Variants in ABL2 observed in about 807,000 individuals in gnomAD.
ABL2 encodes the protein ABL proto-oncogene 2, non-receptor tyrosine kinase.
ABL2 carries 49 observed loss-of-function variants against 107.7 expected under a neutral mutation model. The observed-to-expected ratio is 0.45, with a 90% confidence interval of 0.36 to 0.58. The LOEUF (loss-of-function observed/expected upper bound fraction) is 0.58, where lower values mean the gene tolerates loss of function less well. ABL2 is among the 20% of genes least tolerant of loss of function. The probability of loss-of-function intolerance (pLI) is 0.00; values close to 1 mark genes in which losing one functional copy is unlikely to be tolerated. For synonymous variants in ABL2, 549 were observed against 548.6 expected (o/e 1.00, Z -0.01); for missense variants, 1,245 against 1,457.0 (o/e 0.85, Z 2.37).
intron 7 of ABL2, 133 bp from the exon 8 acceptor site, chr1:179,117,649 T>C: frequency 2.5e-6 from 2 of 789,890 alleles, no homozygotes; most frequent in Non-Finnish European, 4.0e-6. Context: ...CTTCTGATAA[T>C]CACTAACACC....
chr1:179,175,404 C>G (rs1412006803), intron 1 of ABL2, among the ~76,000 whole-genome samples: 1 of 152,194 alleles, frequency 6.6e-6, no homozygotes, highest in Non-Finnish European at 1.5e-5. Context: ...GTCCTCTGTT[C>G]CCTGCCCTGC....
chr1:179,199,508 A>G (rs947511344), intron 1 of ABL2, among the ~76,000 whole-genome samples: 1 of 152,136 alleles, frequency 6.6e-6, no homozygotes, highest in Admixed American at 6.6e-5. Flanking sequence ...AAACTTCTCC[A>G]ATCTCTCTAC....
intron 1 of ABL2, among the ~76,000 whole-genome samples, chr1:179,205,896 CCTAATA>C (rs1451189494): frequency 1.3e-5 from 2 of 152,156 alleles, no homozygotes; most frequent in Non-Finnish European, 2.9e-5. Flanking sequence ...AAAATAAAGA[CCTAATA>C]CTTATACAAC....
chr1:179,174,320 T>C (rs1659901030), intron 1 of ABL2, among the ~76,000 whole-genome samples: 2 of 148,938 alleles, frequency 1.3e-5, no homozygotes, highest in South Asian at 2.1e-4. Flanking sequence ...TCAAATATAC[T>C]GGTAAGGCTG....
At chr1:179,143,143 A>G in intron 1 of ABL2, 1 of 1,436,554 alleles carries the variant, frequency 7.0e-7, no homozygotes, top group Non-Finnish European at 9.3e-7. Context: ...TGTGACATTT[A>G]CTCATGTACT....
intron 1 of ABL2, among the ~76,000 whole-genome samples, chr1:179,155,310 T>C (rs1658617621): frequency 1.3e-5 from 2 of 152,248 alleles, no homozygotes; most frequent in Non-Finnish European, 2.9e-5. Flanking sequence ...ACGATATGCA[T>C]GTGCTTACCA....
intron 1 of ABL2, among the ~76,000 whole-genome samples, chr1:179,181,933 AC>A: frequency 7.1e-6 from 1 of 140,792 alleles, no homozygotes; most frequent in Non-Finnish European, 1.5e-5. Context: ...GTCACGTGTC[AC>A]CAGGCCCGGC....
chr1:179,226,195 C>T (rs1357731787), intron 1 of ABL2, among the ~76,000 whole-genome samples: 1 of 151,652 alleles, frequency 6.6e-6, no homozygotes, highest in African/African-American at 2.4e-5. Context: ...TGGCAATAAA[C>T]TCGACCTATT....
At chr1:179,222,538 G>A (rs936448163) in intron 1 of ABL2, among the ~76,000 whole-genome samples, 2 of 151,702 alleles carry the variant, frequency 1.3e-5, no homozygotes, top group African/African-American at 2.4e-5. Context: ...TTATAGGTGC[G>A]CGCCACCATG....
intron 9 of ABL2, 22 bp from the exon 10 acceptor site, chr1:179,112,420 A>G: frequency 6.3e-7 from 1 of 1,591,130 alleles, no homozygotes; most frequent in Non-Finnish European, 8.6e-7. Flanking sequence ...AAGAAAAAAT[A>G]TTAAAAACTC....
intron 1 of ABL2, among the ~76,000 whole-genome samples, chr1:179,210,485 G>A (rs1232502555): frequency 9.1e-6 from 1 of 109,324 alleles, no homozygotes; most frequent in Non-Finnish European, 1.7e-5. Context: ...AACAGTGATA[G>A]AGCAAGACTC....
intron 1 of ABL2, among the ~76,000 whole-genome samples, chr1:179,153,060 G>GA (rs1012567873): frequency 6.7e-5 from 10 of 149,750 alleles, no homozygotes; most frequent in Middle Eastern, 3.4e-3. Flanking sequence ...ACATTTTACA[G>GA]AAAAAAAAAG....
At chr1:179,165,298 C>A (rs139602615) in intron 1 of ABL2, among the ~76,000 whole-genome samples, 2 of 152,188 alleles carry the variant, frequency 1.3e-5, no homozygotes, top group East Asian at 3.9e-4. Flanking sequence ...CCCCATGTAC[C>A]ACCTCCAGTT....
In ABL2 at chr1:179,104,285, T is replaced by C. The variant is rs578176344; in HGVS notation, c.*3433A>G. Reference sequence around the variant, plus strand: ...CTCCCAAGGTTAAATGACTTGCCTTTTAGACTGGCATTAGAGCCTAAACAC... The same window carrying C: ...CTCCCAAGGTTAAATGACTTGCCTTCTAGACTGGCATTAGAGCCTAAACAC... On this transcript the variant is annotated 3_prime_UTR_variant, in exon 12 of 12. Coordinates refer to ENST00000502732, the MANE Select transcript of ABL2 (RefSeq NM_007314.4). 42 of 228,846 alleles carry C rather than the reference T, an allele frequency of 1.8e-4. No homozygotes were observed. The highest frequency in any genetic ancestry group is 3.0e-4 in the Non-Finnish European group (35 of 115,260). 14.2% of individuals were successfully genotyped at this position (228,846 alleles called of 1,614,324 possible).
At chr1:179,148,514 G>A (rs924879594) in intron 1 of ABL2, among the ~76,000 whole-genome samples, 14 of 152,268 alleles carry the variant, frequency 9.2e-5, no homozygotes, top group African/African-American at 3.4e-4. Flanking sequence ...CGCCATAGGA[G>A]ACAGCAAAAT....
intron 1 of ABL2, among the ~76,000 whole-genome samples, chr1:179,141,338 T>C (rs1358588085): frequency 2.0e-5 from 3 of 151,642 alleles, no homozygotes; most frequent in East Asian, 3.9e-4. Context: ...CTGATGACAG[T>C]AGAGTGACAG....
intron 1 of ABL2, among the ~76,000 whole-genome samples, chr1:179,172,051 C>T (rs1329468527): frequency 6.6e-6 from 1 of 152,170 alleles, no homozygotes; most frequent in African/African-American, 2.4e-5. Flanking sequence ...TGAAGGTAGT[C>T]ACAGAGCTAG....
intron 1 of ABL2, chr1:179,143,109 C>T: frequency 6.3e-7 from 1 of 1,578,270 alleles, no homozygotes; most frequent in Non-Finnish European, 8.6e-7. Context: ...GAATTCCATT[C>T]TCTGACAAGC....
intron 1 of ABL2, among the ~76,000 whole-genome samples, chr1:179,190,710 G>A (rs1285665060): frequency 1.9e-4 from 29 of 152,114 alleles, no homozygotes; most frequent in Admixed American, 1.9e-3. Context: ...AAGCTATCTA[G>A]GGGTCCCCAG....
Sources: gnomAD v4.1 joint callset for allele counts (sites outside exome capture counted in the v4.1 genomes callset) on GRCh38, gnomAD v4.1.1 for gene constraint, MANE v1.5 for transcripts, NCBI Gene and HGNC (gene_info 2026-07-23, HGNC 2026-07-21) for gene names.